Variants in CSMD1 observed in about 807,000 individuals in gnomAD.
CSMD1 encodes the protein CUB and Sushi multiple domains 1.
In CSMD1, 213 loss-of-function variants were observed where a neutral mutation model predicts 417.5. The observed-to-expected ratio is 0.51, with a 90% CI of 0.46 to 0.57. The LOEUF (loss-of-function observed/expected upper bound fraction) is 0.57. Ranked by LOEUF, CSMD1 falls within the 20% of genes least tolerant of loss-of-function variation. The pLI is 0.00. For synonymous variants in CSMD1, 2,862 were observed against 1,736.8 expected (o/e 1.65, Z -16.11); for missense variants, 6,923 against 4,529.7 (o/e 1.53, Z -15.17).
chr8:4,258,837 A>C (rs1217261892), intron 3 of CSMD1, among the ~76,000 whole-genome samples: 1 of 151,980 alleles, frequency 6.6e-6, no homozygotes, highest in Non-Finnish European at 1.5e-5. Context: ...CAGGAGCCCC[A>C]CTCCTCATGG....
chr8:4,847,614 C>T (rs1801216396), intron 1 of CSMD1, among the ~76,000 whole-genome samples: 1 of 151,970 alleles, frequency 6.6e-6, no homozygotes, highest in African/African-American at 2.4e-5. Flanking sequence ...TCGTTTATCT[C>T]TTCCAGGACC....
At chr8:3,899,892 G>C (rs906546475) in intron 5 of CSMD1, among the ~76,000 whole-genome samples, 4 of 152,204 alleles carry the variant, frequency 2.6e-5, no homozygotes, top group Admixed American at 6.5e-5. Flanking sequence ...CTGAGCTTAA[G>C]AACTTGCTTA....
intron 10 of CSMD1, among the ~76,000 whole-genome samples, chr8:3,531,948 C>A (rs987059438): frequency 6.6e-6 from 1 of 152,132 alleles, no homozygotes; most frequent in Non-Finnish European, 1.5e-5. Context: ...GGCTGAGGAC[C>A]CACCTGCAAA....
At chr8:2,950,139 A>T in intron 67 of CSMD1, 92 bp downstream of exon 67, 1 of 826,224 alleles carries the variant, frequency 1.2e-6, no homozygotes, top group Non-Finnish European at 2.1e-6. Context: ...AGACAGCTCT[A>T]CTCAGAAGCC....
At chr8:3,818,355 C>T (rs28448492) in intron 5 of CSMD1, among the ~76,000 whole-genome samples, 4 of 152,134 alleles carry the variant, frequency 2.6e-5, no homozygotes, top group African/African-American at 9.7e-5. Flanking sequence ...AGCTAAACCC[C>T]TTCCTAAGGT....
rs552447377 is a variant in CSMD1, at chr8:3,863,222, C to A, written c.819-109180G>T. ...GACCAGCCTGGCCAACATAGTGAAACCCCATCTCTACTGAAAATACAAAAA... is the reference window on the plus strand; with the variant it reads ...GACCAGCCTGGCCAACATAGTGAAAACCCATCTCTACTGAAAATACAAAAA... On this transcript the variant is annotated intron_variant, in intron 5 of 69. Coordinates refer to ENST00000635120, the MANE Select transcript of CSMD1 (RefSeq NM_033225.6). Among the ~76,000 whole-genome samples the A allele has an allele frequency of 3.0e-3, 450 of 152,122 alleles. 2 individuals are homozygous for A. The highest frequency in any genetic ancestry group is 5.0e-3 in the Non-Finnish European group (339 of 67,984).
At chr8:4,304,200 G>T (rs1214624950) in intron 3 of CSMD1, among the ~76,000 whole-genome samples, 2 of 152,162 alleles carry the variant, frequency 1.3e-5, no homozygotes, top group African/African-American at 4.8e-5. Context: ...AGCCAGTTTT[G>T]ATGAAAAGAG....
chr8:3,827,224 A>G (rs1224373628), intron 5 of CSMD1, among the ~76,000 whole-genome samples: 1 of 152,214 alleles, frequency 6.6e-6, no homozygotes, highest in Non-Finnish European at 1.5e-5. Context: ...CTTGTCTTTC[A>G]TACCGACTTT....
chr8:4,049,242 C>T (rs1281742962), intron 3 of CSMD1, among the ~76,000 whole-genome samples: 1 of 152,004 alleles, frequency 6.6e-6, no homozygotes, highest in Non-Finnish European at 1.5e-5. Context: ...TCAACCTTGA[C>T]ATCACTGGCA....
chr8:4,939,697 G>A (rs984667418), intron 1 of CSMD1, among the ~76,000 whole-genome samples: 2 of 152,160 alleles, frequency 1.3e-5, no homozygotes, highest in Admixed American at 1.3e-4. Flanking sequence ...TAAAATCAGA[G>A]GACAAGGAAT....
intron 4 of CSMD1, among the ~76,000 whole-genome samples, chr8:4,001,911 C>A (rs906261419): frequency 6.6e-6 from 1 of 151,932 alleles, no homozygotes; most frequent in African/African-American, 2.4e-5. Context: ...AAAAAATTCC[C>A]AAACCTTATG....
chr8:3,497,236 G>C (rs1449200994), intron 10 of CSMD1, among the ~76,000 whole-genome samples: 2 of 152,254 alleles, frequency 1.3e-5, no homozygotes, highest in South Asian at 2.1e-4. Context: ...CATGCTGAGA[G>C]TAGCAGGATG....
chr8:3,298,720 C>T (rs1199525433), intron 25 of CSMD1, among the ~76,000 whole-genome samples: 1 of 152,172 alleles, frequency 6.6e-6, no homozygotes, highest in Non-Finnish European at 1.5e-5. Context: ...TCCCAAAGTG[C>T]TAGGATTACA....
chr8:4,407,890 G>C (rs1294254599), intron 3 of CSMD1, among the ~76,000 whole-genome samples: 2 of 152,100 alleles, frequency 1.3e-5, no homozygotes, highest in South Asian at 2.1e-4. Context: ...TATGAGTTAA[G>C]ATGGATAACA....
intron 10 of CSMD1, among the ~76,000 whole-genome samples, chr8:3,508,166 T>G (rs188439655): frequency 1.3e-5 from 2 of 152,242 alleles, no homozygotes; most frequent in East Asian, 1.9e-4. Context: ...TAGGTGGGAA[T>G]TGAACAATGA....
intron 7 of CSMD1, among the ~76,000 whole-genome samples, chr8:3,700,883 A>G (rs566230182): frequency 1.5e-4 from 23 of 152,082 alleles, no homozygotes; most frequent in Non-Finnish European, 2.6e-4. Context: ...GAGAAGAGGA[A>G]GGATGTGGTT....
chr8:3,576,473 G>A (rs1203813089), intron 9 of CSMD1, among the ~76,000 whole-genome samples: 5 of 152,092 alleles, frequency 3.3e-5, no homozygotes, highest in African/African-American at 1.2e-4. Context: ...CTAGACATGT[G>A]AAAATGGGAC....
At chr8:4,577,520 C>A (rs540597338) in intron 2 of CSMD1, among the ~76,000 whole-genome samples, 1 of 152,306 alleles carries the variant, frequency 6.6e-6, no homozygotes, top group East Asian at 1.9e-4. Context: ...CATCCACAGC[C>A]CATCCACAGG....
intron 4 of CSMD1, among the ~76,000 whole-genome samples, chr8:4,007,765 G>C (rs1174566688): frequency 2.7e-5 from 4 of 150,896 alleles, no homozygotes; most frequent in Admixed American, 6.6e-5. Flanking sequence ...CTATTCATTT[G>C]TCTTTAACAA....
Sources: allele counts gnomAD v4.1 joint callset (sites outside exome capture counted in the v4.1 genomes callset), GRCh38; gene constraint gnomAD v4.1.1; transcripts MANE v1.5; gene names NCBI Gene and HGNC (gene_info 2026-07-23, HGNC 2026-07-21).